TOX3: variants seen among roughly 807,000 people sequenced by gnomAD.
TOX3 encodes CAG trinucleotide repeat-containing gene F9 protein.
A neutral mutation model predicts 64.3 loss-of-function variants in TOX3; 22 were observed. The observed-to-expected ratio is 0.34, with a 90% CI of 0.24 to 0.49. TOX3 has a LOEUF of 0.49. Among genes scored for constraint, TOX3 ranks in the 20% least tolerant of loss-of-function variants. The pLI is 0.99. For synonymous variants in TOX3, 291 were observed against 273.6 expected (o/e 1.06, Z -0.63); for missense variants, 661 against 714.4 (o/e 0.93, Z 0.85).
chr16:52,508,744 C>A (rs1962226425), intron 1 of TOX3, among the ~76,000 whole-genome samples: 1 of 151,990 alleles, frequency 6.6e-6, no homozygotes, highest in South Asian at 2.1e-4. Flanking sequence ...ACAGAGAGAA[C>A]TTCAAAATTA....
intron 1 of TOX3, among the ~76,000 whole-genome samples, chr16:52,495,043 G>C (rs923881235): frequency 6.6e-6 from 1 of 152,192 alleles, no homozygotes; most frequent in Admixed American, 6.5e-5. Context: ...CCATCCACTT[G>C]CTGGGGTTAG....
chr16:52,493,862 C>G (rs1442288992), intron 1 of TOX3, among the ~76,000 whole-genome samples: 1 of 152,164 alleles, frequency 6.6e-6, no homozygotes, highest in Non-Finnish European at 1.5e-5. Context: ...CTGCCACACT[C>G]CTTATATTCA....
chr16:52,498,520 TC>T (rs1377932531), intron 1 of TOX3, among the ~76,000 whole-genome samples: 1 of 152,104 alleles, frequency 6.6e-6, no homozygotes, highest in Non-Finnish European at 1.5e-5. Flanking sequence ...TTTTCTTCAT[TC>T]ATCTTCATTA....
rs201752610 is a variant in TOX3, at chr16:52,463,957, G to A, written c.385C>T (p.Leu129Phe). Residue 129 changes from leucine (L) to phenylalanine (F), a missense_variant, in exon 3 of 7, where the codon CTT becomes TTT. By Grantham distance (22) the Leu-to-Phe change is conservative (BLOSUM62 0). Coordinates refer to ENST00000219746, the MANE Select transcript of TOX3 (RefSeq NM_001080430.4). ...SRNLVEQDGV[L>F]HSSGLHMDQS... The stretch of plus-strand genomic sequence containing the variant: ...ACCATATGCAACCCACTGCTATGAA[G>A]CACGCCATCTTGTTCCACGAGATTT... 1,397 of 1,573,202 alleles carry A rather than the reference G, an allele frequency of 8.9e-4. 2 individuals are homozygous for A. The highest frequency in any genetic ancestry group is 1.7e-3 in the Admixed American group (96 of 55,178).
chr16:52,544,895 G>T (rs115437683), intron 1 of TOX3, among the ~76,000 whole-genome samples: 3 of 152,142 alleles, frequency 2.0e-5, no homozygotes, highest in African/African-American at 7.2e-5. Context: ...GGTGTCATTC[G>T]AGTGTTGCAG....
At chr16:52,522,435 A>G (rs1962631490) in intron 1 of TOX3, among the ~76,000 whole-genome samples, 1 of 152,216 alleles carries the variant, frequency 6.6e-6, no homozygotes, top group Non-Finnish European at 1.5e-5. Flanking sequence ...AGGATTCCCT[A>G]GAGCTACTGG....
intron 1 of TOX3, among the ~76,000 whole-genome samples, chr16:52,509,734 A>G (rs1962252204): frequency 6.6e-6 from 1 of 152,236 alleles, no homozygotes; most frequent in African/African-American, 2.4e-5. Context: ...ACAAACAGGC[A>G]TAATGTTTAA....
chr16:52,522,664 C>G (rs980222167), intron 1 of TOX3, among the ~76,000 whole-genome samples: 2 of 152,142 alleles, frequency 1.3e-5, no homozygotes, highest in Admixed American at 6.5e-5. Flanking sequence ...AAGGGAGTTC[C>G]CAAGACACTG....
intron 1 of TOX3, among the ~76,000 whole-genome samples, chr16:52,468,877 T>G (rs184551642): frequency 6.6e-6 from 1 of 152,342 alleles, no homozygotes; most frequent in East Asian, 1.9e-4. Context: ...ACCTGGCATT[T>G]GTGAGAGGTG....
At position 52,464,156 on chromosome 16, in the gene TOX3, C is replaced by A; in HGVS notation, c.186G>T (p.Glu62Asp). Residue 62 changes from glutamate to aspartate, a missense_variant, in exon 3 of 7, where the codon GAG becomes GAT. Glu to Asp is a conservative substitution (Grantham distance 45). Coordinates refer to ENST00000219746, the MANE Select transcript of TOX3 (RefSeq NM_001080430.4). ...QTFHTPSLGD[E>D]EFEIPPITPP... ...GCGTGATTGGTGGAATTTCGAATTC[C>A]TCGTCCCCAAGGCTTGGTGTGTGGA... is the stretch of plus-strand genomic sequence containing the variant. The A allele has an allele frequency of 6.3e-7, 1 of 1,575,436 alleles. No individual in the cohort carries two copies. Among genetic ancestry groups the A allele is most frequent in the Admixed American group, 1.8e-5 (1 of 54,714 alleles).
intron 3 of TOX3, 93 bp downstream of exon 3, chr16:52,463,841 G>T: frequency 7.1e-7 from 1 of 1,413,106 alleles, no homozygotes; most frequent in South Asian, 1.7e-5. Context: ...CTAGGAACAG[G>T]CAAGAGCACG....
chr16:52,507,004 A>T (rs1437555140), intron 1 of TOX3, among the ~76,000 whole-genome samples: 1 of 152,222 alleles, frequency 6.6e-6, no homozygotes, highest in Admixed American at 6.5e-5. Flanking sequence ...TGACAACAAA[A>T]CAGTGATGGA....
chr16:52,525,851 C>T (rs1196992285), intron 1 of TOX3, among the ~76,000 whole-genome samples: 1 of 152,170 alleles, frequency 6.6e-6, no homozygotes, highest in Non-Finnish European at 1.5e-5. Context: ...TGCAATACAT[C>T]GCATTGAAAG....
rs1327469472 is a variant in TOX3 at position 52,439,287 on chromosome 16, G to A, written c.1669C>T (p.His557Tyr). 6.2e-7 allele frequency: 1 copy of A among 1,613,914 alleles called. No homozygotes were observed. The highest frequency in any genetic ancestry group is 1.1e-5 in the South Asian group (1 of 91,080). ...IGSPQPASQQ[H>Y]QSQIQSQTQT... ...GTCTGAGACTGTATTTGCGACTGGT[G>A]CTGCTGAGAGGCTGGCTGGGGGCTC... is the stretch of plus-strand genomic sequence containing the variant. The change falls in exon 7 of 7, where the codon CAC (histidine) becomes TAC (tyrosine). Residue 557 changes from histidine to tyrosine, a missense_variant. By Grantham distance (83) the His-to-Tyr change is moderately conservative. Coordinates refer to ENST00000219746, the MANE Select transcript of TOX3 (RefSeq NM_001080430.4).
At position 52,439,267 on chromosome 16, in the gene TOX3, A is replaced by G; in HGVS notation, c.1689T>C (p.Ser563=). ...ASQQHQSQIQ[S]QTQTQVLSQV... The stretch of plus-strand genomic sequence containing the variant: ...GCGATAATACTTGAGTCTGTGTCTG[A>G]GACTGTATTTGCGACTGGTGCTGCT... Residue 563 remains serine (S), a synonymous_variant, in exon 7 of 7, where the codon TCT becomes TCC. Coordinates refer to ENST00000219746, the MANE Select transcript of TOX3 (RefSeq NM_001080430.4). The G allele has an allele frequency of 2.5e-6, 4 of 1,613,822 alleles. No individual in the cohort carries two copies. Among genetic ancestry groups the G allele is most frequent in the Non-Finnish European group, 1.7e-6 (2 of 1,179,840 alleles).
chr16:52,475,581 C>T (rs916729039), intron 1 of TOX3: 1 of 152,222 alleles, frequency 6.6e-6, no homozygotes, highest in African/African-American at 2.4e-5. Flanking sequence ...GGATAGGTGC[C>T]TTCCGTGGCT....
At chr16:52,546,470 G>C (rs980671647) in intron 1 of TOX3, among the ~76,000 whole-genome samples, 167 bp downstream of exon 1, 2 of 152,144 alleles carry the variant, frequency 1.3e-5, no homozygotes, top group Non-Finnish European at 2.9e-5. Context: ...GGATGGGGCA[G>C]AAAGAGAAGC....
At chr16:52,544,748 T>G (rs1284975682) in intron 1 of TOX3, among the ~76,000 whole-genome samples, 2 of 152,176 alleles carry the variant, frequency 1.3e-5, no homozygotes. Context: ...AAAATAGCCT[T>G]TCTCAGAAAA....
intron 2 of TOX3, among the ~76,000 whole-genome samples, chr16:52,464,419 T>G (rs528727122): frequency 3.3e-5 from 5 of 152,330 alleles, no homozygotes; most frequent in Admixed American, 2.0e-4. Context: ...AGTATCAGTA[T>G]TAACAGTTTT....
Sources: allele counts gnomAD v4.1 joint callset (sites outside exome capture counted in the v4.1 genomes callset), GRCh38; gene constraint gnomAD v4.1.1; transcripts MANE v1.5; gene names NCBI Gene and HGNC (gene_info 2026-07-23, HGNC 2026-07-21).